The following EPC2 variants were observed in gnomAD, a reference collection of about 807,000 sequenced individuals.
EPC2 encodes enhancer of polycomb 2, also known as enhancer of polycomb homolog 2.
In EPC2, 14 loss-of-function variants were observed where a neutral mutation model predicts 92.1. The observed-to-expected ratio is 0.15, with a 90% CI of 0.10 to 0.24. The LOEUF is 0.24. EPC2 is among the 10% of genes least tolerant of loss of function. EPC2 has a pLI of 1.00. For missense variants in EPC2, 755 were observed against 971.5 expected, an observed-to-expected ratio of 0.78 and a Z score of 2.96; for synonymous variants, 340 against 334.7, an observed-to-expected ratio of 1.02 and a Z score of -0.17.
At chr2:148,736,665 C>T (rs1447286767) in intron 2 of EPC2, among the ~76,000 whole-genome samples, 1 of 152,080 alleles carries the variant, frequency 6.6e-6, no homozygotes, top group Non-Finnish European at 1.5e-5. Context: ...GCCTTCCACA[C>T]TTTTTTCTAC....
At chr2:148,683,593 C>G (rs964398490) in intron 1 of EPC2, among the ~76,000 whole-genome samples, 1 of 152,120 alleles carries the variant, frequency 6.6e-6, no homozygotes, top group Non-Finnish European at 1.5e-5. Context: ...GCCTTTGCAT[C>G]CTCATAGCTT....
At chr2:148,712,092 A>G (rs1263820104) in intron 2 of EPC2, among the ~76,000 whole-genome samples, 1 of 152,210 alleles carries the variant, frequency 6.6e-6, no homozygotes, top group African/African-American at 2.4e-5. Flanking sequence ...TTGGATTAAT[A>G]TCTACCATAT....
At chr2:148,659,993 A>C (rs1434358261) in intron 1 of EPC2, among the ~76,000 whole-genome samples, 1 of 152,110 alleles carries the variant, frequency 6.6e-6, no homozygotes, top group African/African-American at 2.4e-5. Flanking sequence ...GGAAATACCT[A>C]CTCTTCCATT....
chr2:148,771,503 G>C (rs570481753), intron 10 of EPC2, 116 bp downstream of exon 10: 1 of 960,890 alleles, frequency 1.0e-6, no homozygotes, highest in South Asian at 1.7e-5. Context: ...AAACAAAATT[G>C]TTCTGTTCTG....
chr2:148,667,202 G>A (rs1238482755), intron 1 of EPC2, among the ~76,000 whole-genome samples: 3 of 152,180 alleles, frequency 2.0e-5, no homozygotes, highest in African/African-American at 4.8e-5. Context: ...TTGCTGTTCC[G>A]TAGATGAATG....
At chr2:148,712,418 G>GAC (rs747240404) in intron 2 of EPC2, among the ~76,000 whole-genome samples, 4 of 151,784 alleles carry the variant, frequency 2.6e-5, no homozygotes, top group Non-Finnish European at 5.9e-5. Flanking sequence ...TCGACACACA[G>GAC]ACACACACAC....
At chr2:148,656,620 A>G (rs112253836) in intron 1 of EPC2, among the ~76,000 whole-genome samples, 1,610 of 152,338 alleles carry the variant, frequency 0.011, 23 homozygotes, top group Middle Eastern at 0.075. Context: ...CCTCATAAGC[A>G]CAGGGACCTT....
intron 1 of EPC2, among the ~76,000 whole-genome samples, chr2:148,650,829 G>T (rs895082829): frequency 1.3e-5 from 2 of 152,126 alleles, no homozygotes; most frequent in African/African-American, 4.8e-5. Context: ...GACATGCCAG[G>T]TATTATCTAA....
chr2:148,664,772 C>A (rs1681026297), intron 1 of EPC2, among the ~76,000 whole-genome samples: 1 of 152,172 alleles, frequency 6.6e-6, no homozygotes. Context: ...TTCTTTCACT[C>A]AGCATACTTT....
intron 1 of EPC2, among the ~76,000 whole-genome samples, chr2:148,671,592 C>T (rs576914983): frequency 1.3e-5 from 2 of 152,190 alleles, no homozygotes; most frequent in South Asian, 2.1e-4. Flanking sequence ...CCAGCCTGGG[C>T]AACAGAGCAA....
intron 10 of EPC2, among the ~76,000 whole-genome samples, chr2:148,774,816 G>A (rs1186181625): frequency 2.0e-5 from 3 of 151,456 alleles, no homozygotes; most frequent in Admixed American, 2.0e-4. Flanking sequence ...GGCCAGGCGC[G>A]GTGGCTCACG....
At chr2:148,658,829 T>C (rs1238288966) in intron 1 of EPC2, among the ~76,000 whole-genome samples, 2 of 151,912 alleles carry the variant, frequency 1.3e-5, no homozygotes, top group Non-Finnish European at 2.9e-5. Context: ...ATATGTATGT[T>C]ATATAGTTTA....
intron 11 of EPC2, among the ~76,000 whole-genome samples, chr2:148,782,032 A>C: frequency 6.6e-6 from 1 of 152,184 alleles, no homozygotes; most frequent in Non-Finnish European, 1.5e-5. Context: ...TTGAGAATTT[A>C]TAGAAGTAAT....
intron 2 of EPC2, among the ~76,000 whole-genome samples, chr2:148,742,634 G>C (rs1682899415): frequency 6.6e-6 from 1 of 151,796 alleles, no homozygotes; most frequent in Non-Finnish European, 1.5e-5. Context: ...TGCAATATTA[G>C]CTGGGTGTGG....
chr2:148,726,715 A>C (rs993563393), intron 2 of EPC2, among the ~76,000 whole-genome samples: 3 of 147,528 alleles, frequency 2.0e-5, no homozygotes, highest in Non-Finnish European at 4.5e-5. Context: ...TTGCCCATTT[A>C]AAAAATCTTT....
In EPC2 at chr2:148,690,260, A is replaced by G. The variant is rs1333846231; in HGVS notation, c.200A>G (p.Glu67Gly). 7 of 1,607,226 alleles carry G rather than the reference A, an allele frequency of 4.4e-6. No individual in the cohort carries two copies. The highest frequency in any genetic ancestry group is 5.9e-6 in the Non-Finnish European group (7 of 1,177,430). Residue 67 changes from glutamate to glycine, a missense_variant, in exon 2 of 14, where the codon GAA (glutamate) becomes GGA (glycine). Coordinates refer to ENST00000258484, the MANE Select transcript of EPC2 (RefSeq NM_015630.4). ...RAISAQQVFR[E>G]KKESMVIPVP... ...ATTTCAGCACAGCAAGTGTTTAGAGAAAAAAAAGAGAGTATGGTCATTCCT... is the reference window on the plus strand; with the variant it reads ...ATTTCAGCACAGCAAGTGTTTAGAGGAAAAAAAGAGAGTATGGTCATTCCT...
intron 2 of EPC2, among the ~76,000 whole-genome samples, chr2:148,734,233 G>C (rs1682706530): frequency 6.6e-6 from 1 of 151,716 alleles, no homozygotes; most frequent in Non-Finnish European, 1.5e-5. Flanking sequence ...CCCCATTGAA[G>C]CCCTAGTGAC....
At chr2:148,647,619 C>CTTTTTTTTTTT (rs55731814) in intron 1 of EPC2, among the ~76,000 whole-genome samples, 1 of 63,730 alleles carries the variant, frequency 1.6e-5, no homozygotes, top group African/African-American at 6.4e-5. Flanking sequence ...GCCTTGCAGA[C>CTTTTTTTTTTT]TTTTTTTTTT....
At chr2:148,712,608 G>A (rs1682170082) in intron 2 of EPC2, among the ~76,000 whole-genome samples, 1 of 152,180 alleles carries the variant, frequency 6.6e-6, no homozygotes, top group South Asian at 2.1e-4. Flanking sequence ...AGCACATACA[G>A]GCCAGGTGTG....
Sources: allele counts gnomAD v4.1 joint callset (sites outside exome capture counted in the v4.1 genomes callset), GRCh38; gene constraint gnomAD v4.1.1; transcripts MANE v1.5; gene names NCBI Gene and HGNC (gene_info 2026-07-23, HGNC 2026-07-21).